XPOT: variants seen among roughly 807,000 people sequenced by gnomAD.
The protein encoded by XPOT is exportin-T.
Under a neutral mutation model 128.2 loss-of-function variants are expected in XPOT, and 34 were observed. The observed-to-expected ratio is 0.27, with a 90% confidence interval of 0.20 to 0.35. XPOT has a LOEUF of 0.35. Among genes scored for constraint, XPOT ranks in the 10% least tolerant of loss-of-function variants. The pLI is 1.00. For missense variants in XPOT, 838 were observed against 1,125.3 expected (o/e 0.74, Z 3.65); for synonymous variants, 348 against 394.3 (o/e 0.88, Z 1.39).
intron 10 of XPOT, 65 bp from the exon 11 acceptor site, chr12:64,423,117 T>A: frequency 6.3e-7 from 1 of 1,593,458 alleles, no homozygotes; most frequent in Non-Finnish European, 8.6e-7. Context: ...TGTAGCTTAA[T>A]TTCAAATTAT....
intron 12 of XPOT, 127 bp from the exon 13 acceptor site, chr12:64,424,910 TG>T: frequency 7.4e-7 from 1 of 1,353,848 alleles, no homozygotes. Context: ...ATGTATTGCC[TG>T]GGAAAGTTAA....
At chr12:64,446,362 C>A (rs1592343609) in intron 24 of XPOT, among the ~76,000 whole-genome samples, 1 of 152,142 alleles carries the variant, frequency 6.6e-6, no homozygotes, top group African/African-American at 2.4e-5. Flanking sequence ...CATTATTATT[C>A]TAGTTGGAAA....
chr12:64,420,450 G>A lies in XPOT; in HGVS notation c.772G>A (p.Val258Ile). Residue 258 changes from valine (V) to isoleucine (I), a missense_variant, in exon 8 of 25, where the codon GTT (valine) becomes ATT (isoleucine). This residue lies in a region of XPOT where 761 missense variants were observed against 988.3 expected (regional missense o/e 0.77). Transcript: ENST00000332707. ...FEVVNKGMDP[V>I]DKMKLVESLC... The stretch of plus-strand genomic sequence containing the variant: ...AGTTGTAAATAAAGGAATGGACCCT[G>A]TTGATAAAATGAAACTAGTGGAATC... 1 of 1,613,846 alleles carries A rather than the reference G, an allele frequency of 6.2e-7. No individual in the cohort carries two copies. Among genetic ancestry groups the A allele is most frequent in the Non-Finnish European group, 8.5e-7 (1 of 1,179,880 alleles).
At position 64,425,919 on chromosome 12, in the gene XPOT, A is replaced by C; in HGVS notation, c.1667+10A>C. On this transcript the variant is annotated intron_variant, in intron 15 of 24. Transcript: ENST00000332707. ...TTGTCAAATCTCTCAAGTAAGTATAAAATTGCAGCTATTATGTTTAGTTAT... is the reference window on the plus strand; with the variant it reads ...TTGTCAAATCTCTCAAGTAAGTATACAATTGCAGCTATTATGTTTAGTTAT... 6.2e-7 allele frequency: 1 copy of C among 1,607,730 alleles called. No individual in the cohort carries two copies. Among genetic ancestry groups the C allele is most frequent in the Non-Finnish European group, 8.5e-7 (1 of 1,174,242 alleles).
chr12:64,424,031 T>TA (rs1367607551), intron 11 of XPOT, among the ~76,000 whole-genome samples: 2 of 152,156 alleles, frequency 1.3e-5, no homozygotes, highest in Admixed American at 1.3e-4. Flanking sequence ...TAAAGTGTTG[T>TA]ATTCCCCCAC....
At chr12:64,416,802 T>G in intron 4 of XPOT, 48 bp downstream of exon 4, 1 of 1,466,684 alleles carries the variant, frequency 6.8e-7, no homozygotes, top group Non-Finnish European at 9.4e-7. Flanking sequence ...GGAGAGGTCA[T>G]TTTTTTAATT....
chr12:64,431,801 A>G lies in XPOT; in HGVS notation c.2240A>G (p.Asn747Ser). ...KDLQEFIPLI[N>S]QITAKFKIQV... ...CTCCAGGAGTTCATTCCTCTTATCA[A>G]CCAGATTACGGCCAAATTCAAGGTA... Residue 747 changes from asparagine to serine, a missense_variant, in exon 18 of 25, where the codon AAC becomes AGC. Transcript: ENST00000332707. 2.9e-5 allele frequency: 47 copies of G among 1,613,256 alleles called. No individual in the cohort carries two copies. Among genetic ancestry groups the G allele is most frequent in the Non-Finnish European group, 3.9e-5 (46 of 1,179,556 alleles).
chr12:64,426,998 A>T (rs954783317), intron 15 of XPOT, among the ~76,000 whole-genome samples: 12 of 152,062 alleles, frequency 7.9e-5, no homozygotes, highest in Non-Finnish European at 1.8e-4. Flanking sequence ...AAATAAAATG[A>T]AGATGGAAAT....
At chr12:64,408,371 G>C (rs1252940974) in intron 1 of XPOT, among the ~76,000 whole-genome samples, 1 of 152,138 alleles carries the variant, frequency 6.6e-6, no homozygotes, top group Non-Finnish European at 1.5e-5. Context: ...GCCTCCCAAA[G>C]TGCTGGGATT....
chr12:64,420,194 G>T lies in XPOT; in HGVS notation c.614G>T (p.Cys205Phe). 1.2e-6 allele frequency: 2 copies of T among 1,612,014 alleles called. No homozygotes were observed. The highest frequency in any genetic ancestry group is 2.2e-5 in the East Asian group (1 of 44,844). ...ACTAATTCTGAAGTGACGTGTCAGT[G>T]CCTTGAAGTAGTTGGGGCTTATGTC... ...QFTNSEVTCQ[C>F]LEVVGAYVSW... Residue 205 changes from cysteine to phenylalanine, a missense_variant, in exon 7 of 25, where the codon TGC (cysteine) becomes TTC (phenylalanine). Transcript: ENST00000332707.
intron 15 of XPOT, among the ~76,000 whole-genome samples, chr12:64,426,150 AC>A (rs1184928971): frequency 3.9e-5 from 6 of 152,024 alleles, no homozygotes; most frequent in African/African-American, 1.4e-4. Flanking sequence ...TACTAAAGAT[AC>A]AAAAAATTAG....
At chr12:64,445,881 C>T (rs1460110825) in intron 24 of XPOT, among the ~76,000 whole-genome samples, 2 of 152,194 alleles carry the variant, frequency 1.3e-5, no homozygotes, top group Non-Finnish European at 2.9e-5. Context: ...CTTAGTGTAT[C>T]ACCTGGTTCT....
In XPOT at chr12:64,450,712, CAA is replaced by C. The variant is rs948284919; in HGVS notation, c.*2582_*2583del. On this transcript the variant is annotated 3_prime_UTR_variant, in exon 25 of 25. Coordinates refer to ENST00000332707, the MANE Select transcript of XPOT (RefSeq NM_007235.6). ...AAAGCAAGTACTCAAATAATTGTCT[CAA>C]GAGAGGAAGGACAAAACTGTTACAA... The C allele has an allele frequency of 5.3e-5, 8 of 152,186 alleles. No individual in the cohort carries two copies. The highest frequency in any genetic ancestry group is 1.9e-4 in the East Asian group (1 of 5,196). The allele number at this position is 152,186 out of a possible 1,614,324, so 9.4% of individuals were successfully genotyped here.
At position 64,425,065 on chromosome 12, in the gene XPOT, A is replaced by G. The variant is rs746504033; in HGVS notation, c.1335A>G (p.Glu445=). 6 of 1,612,808 alleles carry G rather than the reference A, an allele frequency of 3.7e-6. No homozygotes were observed. The African/African-American group carries it at 8.0e-5, about 22-fold the overall frequency. ...LQNWQTTRFM[E]VEVAIRLLYM... ...ATTGGCAGACTACACGGTTTATGGA[A>G]GTTGAAGTAGCAATAAGATTGCTGT... is the stretch of plus-strand genomic sequence containing the variant. Residue 445 remains glutamate, a synonymous_variant, in exon 13 of 25, where the codon GAA becomes GAG. Coordinates refer to ENST00000332707, the MANE Select transcript of XPOT (RefSeq NM_007235.6).
In XPOT at chr12:64,449,643, T is replaced by C. The variant is rs2040394380; in HGVS notation, c.*1512T>C. 6.6e-6 allele frequency: 1 copy of C among 152,218 alleles called. No homozygotes were observed. The highest frequency in any genetic ancestry group is 1.5e-5 in the Non-Finnish European group (1 of 68,032). 9.4% of individuals were successfully genotyped at this position (152,218 alleles called of 1,614,324 possible). On this transcript the variant is annotated 3_prime_UTR_variant, in exon 25 of 25. Transcript: ENST00000332707. ...TTAATTCCAGAAGACATTTCAAACA[T>C]TTTTCTTACACCATATAATAAAAAT...
In XPOT at chr12:64,416,689, C is replaced by A; in HGVS notation, c.144-9C>A. On this transcript the variant is annotated splice_polypyrimidine_tract_variant and intron_variant, in intron 3 of 24. Coordinates refer to ENST00000332707, the MANE Select transcript of XPOT (RefSeq NM_007235.6). ...TCTGCTTATCTCATTTTCTTTTTTT[C>A]TTTTTCAGTGATGATCATGTGAAGT... is the stretch of plus-strand genomic sequence containing the variant. 1.2e-6 allele frequency: 2 copies of A among 1,607,124 alleles called. No homozygotes were observed. Among genetic ancestry groups the A allele is most frequent in the South Asian group, 2.2e-5 (2 of 90,540 alleles).
chr12:64,424,564 A>C (rs377036817), intron 11 of XPOT, 35 bp from the exon 12 acceptor site: 25 of 1,608,940 alleles, frequency 1.6e-5, no homozygotes, highest in Non-Finnish European at 2.0e-5. Flanking sequence ...TCAACCCATA[A>C]GTTTTTTGAA....
intron 15 of XPOT, among the ~76,000 whole-genome samples, chr12:64,427,641 C>T (rs1031378973): frequency 6.6e-5 from 10 of 152,072 alleles, no homozygotes; most frequent in African/African-American, 2.2e-4. Context: ...GGACTACAGG[C>T]GTGTGACGAT....
In XPOT at chr12:64,449,384, A is replaced by G. The variant is rs1211311457; in HGVS notation, c.*1253A>G. ...TTATTCATGGCTACTTGAGAAAGCA[A>G]AAGGAAAAAATAATAGTTATCAGTA... On this transcript the variant is annotated 3_prime_UTR_variant, in exon 25 of 25. Transcript: ENST00000332707. The G allele has an allele frequency of 1.3e-5, 2 of 152,198 alleles. No individual in the cohort carries two copies. The highest frequency in any genetic ancestry group is 2.9e-5 in the Non-Finnish European group (2 of 68,032). 9.4% of individuals were successfully genotyped at this position (152,198 alleles called of 1,614,324 possible).
Sources: allele counts gnomAD v4.1 joint callset (sites outside exome capture counted in the v4.1 genomes callset), GRCh38; gene constraint gnomAD v4.1.1; regional missense constraint gnomAD v4.1.1; transcripts MANE v1.5; gene names NCBI Gene and HGNC (gene_info 2026-07-23, HGNC 2026-07-21).